The following DOCK3 variants were observed in gnomAD, a reference collection of about 807,000 sequenced individuals.
The protein encoded by DOCK3 is dedicator of cytokinesis protein 3.
Under a neutral mutation model 265.6 loss-of-function variants are expected in DOCK3, and 60 were observed. That is an observed-to-expected ratio of 0.23 (90% CI 0.18 to 0.28). DOCK3 has a LOEUF of 0.28. Ranked by LOEUF, DOCK3 falls within the 10% of genes least tolerant of loss-of-function variation. DOCK3 has a pLI of 1.00. For synonymous variants in DOCK3, 881 were observed against 938.0 expected (o/e 0.94, Z 1.11); for missense variants, 1,981 against 2,594.3 (o/e 0.76, Z 5.14).
At chr3:51,319,824 C>T (rs139567567) in intron 32 of DOCK3, among the ~76,000 whole-genome samples, 2 of 151,264 alleles carry the variant, frequency 1.3e-5, no homozygotes, top group Non-Finnish European at 2.9e-5. Context: ...GAGATTGCAC[C>T]ACTGCACTTC....
intron 5 of DOCK3, among the ~76,000 whole-genome samples, chr3:50,979,165 C>T (rs1575666928): frequency 6.6e-6 from 1 of 152,176 alleles, no homozygotes; most frequent in Admixed American, 6.5e-5. Flanking sequence ...CATCTTGGCT[C>T]CTCCCCCAGT....
At chr3:51,126,682 G>A (rs569730892) in intron 9 of DOCK3, among the ~76,000 whole-genome samples, 3 of 152,288 alleles carry the variant, frequency 2.0e-5, no homozygotes, top group African/African-American at 7.2e-5. Flanking sequence ...TGGGATAAGA[G>A]CAGAAATTAT....
intron 9 of DOCK3, among the ~76,000 whole-genome samples, chr3:51,122,835 C>T (rs1179500994): frequency 6.6e-6 from 1 of 152,184 alleles, no homozygotes; most frequent in African/African-American, 2.4e-5. Context: ...TATATGAGGA[C>T]ATAGAGATAG....
chr3:50,747,117 T>C (rs1043934905), intron 1 of DOCK3, among the ~76,000 whole-genome samples: 1 of 152,244 alleles, frequency 6.6e-6, no homozygotes, highest in African/African-American at 2.4e-5. Context: ...TGTCTTTATA[T>C]GCATGGATTT....
chr3:51,267,846 A>G (rs1273910857), intron 23 of DOCK3, among the ~76,000 whole-genome samples: 1 of 152,236 alleles, frequency 6.6e-6, no homozygotes, highest in Non-Finnish European at 1.5e-5. Context: ...TTGCAGGGAC[A>G]TGGATGAAGC....
At chr3:51,297,990 A>G (rs1389061200) in intron 27 of DOCK3, among the ~76,000 whole-genome samples, 1 of 152,126 alleles carries the variant, frequency 6.6e-6, no homozygotes, top group Non-Finnish European at 1.5e-5. Context: ...CATCTCAAAA[A>G]CAAAAAAAGA....
intron 5 of DOCK3, among the ~76,000 whole-genome samples, chr3:51,054,538 T>C (rs368498675): frequency 4.6e-5 from 7 of 152,230 alleles, no homozygotes; most frequent in East Asian, 3.8e-4. Flanking sequence ...TTGTATTTCA[T>C]TTTTTGATAT....
At chr3:50,679,569 A>G (rs535803367) in intron 1 of DOCK3, among the ~76,000 whole-genome samples, 1 of 152,220 alleles carries the variant, frequency 6.6e-6, no homozygotes, top group South Asian at 2.1e-4. Flanking sequence ...CCTGTGGTGC[A>G]GGAAAAGAAT....
intron 5 of DOCK3, among the ~76,000 whole-genome samples, chr3:51,003,222 C>G (rs149531631): frequency 5.6e-4 from 86 of 152,286 alleles, no homozygotes; most frequent in East Asian, 5.8e-4. Flanking sequence ...AGTGATTCTT[C>G]ACATTTTTTT....
At chr3:51,236,495 G>A (rs1560259935) in intron 20 of DOCK3, 67 bp downstream of exon 20, 1 of 1,406,254 alleles carries the variant, frequency 7.1e-7, no homozygotes, top group Non-Finnish European at 9.9e-7. Context: ...AAAATTTAAG[G>A]GAAGCAATTT....
At chr3:51,111,202 C>T (rs1476418044) in intron 9 of DOCK3, among the ~76,000 whole-genome samples, 1 of 152,092 alleles carries the variant, frequency 6.6e-6, no homozygotes, top group African/African-American at 2.4e-5. Context: ...AATGGAAAAA[C>T]ATTCCATGCT....
intron 5 of DOCK3, among the ~76,000 whole-genome samples, chr3:51,034,847 T>G (rs2080196596): frequency 6.6e-6 from 1 of 152,086 alleles, no homozygotes; most frequent in Non-Finnish European, 1.5e-5. Context: ...CAGTCTTTAT[T>G]TCTAGATATA....
chr3:50,862,464 C>G (rs2046963032), intron 3 of DOCK3, among the ~76,000 whole-genome samples: 1 of 152,062 alleles, frequency 6.6e-6, no homozygotes, highest in Admixed American at 6.6e-5. Context: ...AGTGGAAGCA[C>G]CTGCCTTGAT....
chr3:50,889,503 G>T (rs1318323012), intron 3 of DOCK3, among the ~76,000 whole-genome samples: 2 of 149,946 alleles, frequency 1.3e-5, no homozygotes, highest in African/African-American at 4.9e-5. Context: ...TTTAGGAATT[G>T]AAATCAAATT....
chr3:51,132,288 G>T (rs1477125860), intron 9 of DOCK3, among the ~76,000 whole-genome samples: 1 of 152,004 alleles, frequency 6.6e-6, no homozygotes, highest in Non-Finnish European at 1.5e-5. Context: ...TTCCCATCCT[G>T]TTCTCCAGAT....
intron 5 of DOCK3, among the ~76,000 whole-genome samples, chr3:51,008,515 A>C (rs113199284): frequency 2.0e-4 from 31 of 152,302 alleles, no homozygotes; most frequent in African/African-American, 7.2e-4. Context: ...TTATCAGCTT[A>C]AGGAGATTTT....
chr3:51,378,925 G>A (rs1342675803), intron 51 of DOCK3, among the ~76,000 whole-genome samples: 50 of 152,178 alleles, frequency 3.3e-4, no homozygotes, highest in Admixed American at 2.9e-3. Context: ...GGTACTCATC[G>A]GCTCCACAGC....
chr3:51,163,899 G>GA (rs1338201826), intron 12 of DOCK3, among the ~76,000 whole-genome samples: 1 of 151,880 alleles, frequency 6.6e-6, no homozygotes, highest in African/African-American at 2.4e-5. Context: ...CAAATTTTAT[G>GA]AAAAAATTTA....
At chr3:51,254,233 A>G (rs563664272) in intron 22 of DOCK3, among the ~76,000 whole-genome samples, 2 of 152,270 alleles carry the variant, frequency 1.3e-5, no homozygotes, top group South Asian at 2.1e-4. Flanking sequence ...TCTGAGAGAC[A>G]GTTTGTTAAA....
Sources: gnomAD v4.1 joint callset for allele counts (sites outside exome capture counted in the v4.1 genomes callset) on GRCh38, gnomAD v4.1.1 for gene constraint, MANE v1.5 for transcripts, NCBI Gene and HGNC (gene_info 2026-07-23, HGNC 2026-07-21) for gene names.